AMPH: variants seen among roughly 807,000 people sequenced by gnomAD.
AMPH encodes amphiphysin (Stiff-Mann syndrome with breast cancer 128kD autoantigen).
Under a neutral mutation model 99.1 loss-of-function variants are expected in AMPH, and 49 were observed. That is an observed-to-expected ratio of 0.49 (90% CI 0.39 to 0.63). AMPH has a LOEUF of 0.63. AMPH is among the 20% of genes least tolerant of loss of function. AMPH has a pLI of 0.00. For missense variants in AMPH, 759 were observed against 863.4 expected (o/e 0.88, Z 1.52); for synonymous variants, 314 against 317.3 (o/e 0.99, Z 0.11).
chr7:38,425,317 C>T (rs1785744478), intron 15 of AMPH, among the ~76,000 whole-genome samples: 1 of 152,110 alleles, frequency 6.6e-6, no homozygotes, highest in South Asian at 2.1e-4. Flanking sequence ...GAGAGGAGGA[C>T]AGATAGGCAA....
chr7:38,505,327 G>T (rs1250852064), intron 2 of AMPH, among the ~76,000 whole-genome samples: 2 of 152,152 alleles, frequency 1.3e-5, no homozygotes, highest in Non-Finnish European at 2.9e-5. Context: ...CTCAGGTGAG[G>T]TATTCTGTAT....
At chr7:38,628,000 A>T (rs1049086903) in intron 1 of AMPH, among the ~76,000 whole-genome samples, 1 of 152,208 alleles carries the variant, frequency 6.6e-6, no homozygotes, top group Non-Finnish European at 1.5e-5. Flanking sequence ...TACATAAAAC[A>T]TCAACAAAAA....
At chr7:38,451,823 AAG>A (rs1354249441) in intron 11 of AMPH, among the ~76,000 whole-genome samples, 3 of 152,182 alleles carry the variant, frequency 2.0e-5, no homozygotes, top group African/African-American at 4.8e-5. Context: ...GGGAAAGAAA[AAG>A]AGAGAGAATG....
intron 17 of AMPH, among the ~76,000 whole-genome samples, chr7:38,407,470 G>A (rs553572415): frequency 3.9e-5 from 6 of 151,962 alleles, no homozygotes; most frequent in Non-Finnish European, 5.9e-5. Flanking sequence ...AAGTGGAGAC[G>A]GAGAGGAGGC....
chr7:38,424,285 C>G (rs1005395448), intron 15 of AMPH, among the ~76,000 whole-genome samples: 1 of 152,038 alleles, frequency 6.6e-6, no homozygotes, highest in South Asian at 2.1e-4. Context: ...GTCAAGATCA[C>G]CAAACATTTG....
intron 1 of AMPH, among the ~76,000 whole-genome samples, chr7:38,572,755 C>T (rs929171369): frequency 1.3e-5 from 2 of 152,142 alleles, no homozygotes; most frequent in Non-Finnish European, 2.9e-5. Context: ...TCTGGTCTCC[C>T]AGCAGGACCT....
chr7:38,466,125 C>T (rs1226058234), intron 8 of AMPH, 48 bp downstream of exon 8: 1 of 1,438,928 alleles, frequency 6.9e-7, no homozygotes. Context: ...CAAAATAAAC[C>T]TTCCTTTACT....
chr7:38,407,076 ATGTGTGTGTGTGTG>A (rs70975098), intron 17 of AMPH, among the ~76,000 whole-genome samples: 227 of 19,668 alleles, frequency 0.012, 7 homozygotes, highest in South Asian at 0.074. Context: ...ATATATATAT[ATGTGTGTGTGTGTG>A]TGTGTGTGTG....
At chr7:38,570,954 TAG>T (rs1791930250) in intron 1 of AMPH, among the ~76,000 whole-genome samples, 3 of 79,970 alleles carry the variant, frequency 3.8e-5, no homozygotes, top group Admixed American at 1.8e-4. Context: ...TTTATATATA[TAG>T]AATATATATA....
At chr7:38,391,655 A>C in intron 19 of AMPH, 93 bp downstream of exon 19, 1 of 1,373,408 alleles carries the variant, frequency 7.3e-7, no homozygotes, top group Non-Finnish European at 9.8e-7. Context: ...TAATAATTGC[A>C]AAAAGTAAAA....
chr7:38,471,666 C>T (rs761671627), intron 7 of AMPH, among the ~76,000 whole-genome samples: 6 of 152,086 alleles, frequency 3.9e-5, no homozygotes, highest in African/African-American at 7.2e-5. Context: ...GCACAGCAAT[C>T]GAAAGGCAGA....
intron 16 of AMPH, among the ~76,000 whole-genome samples, chr7:38,418,655 T>C (rs1165240713): frequency 6.6e-6 from 1 of 152,226 alleles, no homozygotes; most frequent in Non-Finnish European, 1.5e-5. Flanking sequence ...AGTCCCTTTT[T>C]CCCTTTCTCC....
intron 1 of AMPH, among the ~76,000 whole-genome samples, chr7:38,583,401 A>ATT (rs5883654): frequency 2.6e-5 from 4 of 151,942 alleles, no homozygotes; most frequent in African/African-American, 4.8e-5. Context: ...TAAATAGTGA[A>ATT]TTTTTTTTAG....
chr7:38,404,692 T>G (rs1120005), intron 17 of AMPH, among the ~76,000 whole-genome samples: 37,644 of 152,024 alleles, frequency 0.25, 4,862 homozygotes, highest in East Asian at 0.4. Context: ...CTTCTTCACA[T>G]GAGAAAGAAT....
At chr7:38,479,934 G>A (rs1305841818) in intron 5 of AMPH, among the ~76,000 whole-genome samples, 1 of 151,840 alleles carries the variant, frequency 6.6e-6, no homozygotes, top group Non-Finnish European at 1.5e-5. Context: ...TTAGACTGAG[G>A]CAAGCCCTAG....
chr7:38,627,515 C>T (rs1190435091), intron 1 of AMPH, among the ~76,000 whole-genome samples: 1 of 151,458 alleles, frequency 6.6e-6, no homozygotes, highest in Non-Finnish European at 1.5e-5. Context: ...ATTAGCCAAG[C>T]GTGGTGGTGG....
At chr7:38,606,449 C>A (rs192065923) in intron 1 of AMPH, among the ~76,000 whole-genome samples, 62 of 152,132 alleles carry the variant, frequency 4.1e-4, no homozygotes, top group African/African-American at 1.4e-3. Context: ...CCTATTCTAG[C>A]TATTTCATAT....
chr7:38,555,039 G>C (rs1423943209), intron 1 of AMPH, among the ~76,000 whole-genome samples: 2 of 152,196 alleles, frequency 1.3e-5, no homozygotes, highest in Non-Finnish European at 2.9e-5. Flanking sequence ...GCTATTGGGG[G>C]AAGTGGAAAG....
intron 3 of AMPH, among the ~76,000 whole-genome samples, chr7:38,499,671 C>A (rs1789060203): frequency 6.6e-6 from 1 of 152,164 alleles, no homozygotes; most frequent in South Asian, 2.1e-4. Flanking sequence ...GAAAAATTGC[C>A]CATGAAAGCC....
Sources: gnomAD v4.1 joint callset for allele counts (sites outside exome capture counted in the v4.1 genomes callset) on GRCh38, gnomAD v4.1.1 for gene constraint, MANE v1.5 for transcripts, NCBI Gene and HGNC (gene_info 2026-07-23, HGNC 2026-07-21) for gene names.